The following PRKCA variants were observed in gnomAD, a reference collection of about 807,000 sequenced individuals.
PRKCA encodes protein kinase C alpha.
In PRKCA, 27 loss-of-function variants were observed where a neutral mutation model predicts 87.0. That is an observed-to-expected ratio of 0.31 (90% CI 0.23 to 0.43). The LOEUF is 0.43. Ranked by LOEUF, PRKCA falls within the 20% of genes least tolerant of loss-of-function variation. The pLI is 1.00. For synonymous variants in PRKCA, 329 were observed against 311.1 expected (o/e 1.06, Z -0.61); for missense variants, 518 against 852.3 (o/e 0.61, Z 4.88).
chr17:66,550,761 C>T (rs755927750), intron 3 of PRKCA, among the ~76,000 whole-genome samples: 3 of 152,074 alleles, frequency 2.0e-5, no homozygotes, highest in Non-Finnish European at 2.9e-5. Context: ...ATTAAATGTC[C>T]GTTCATTCAC....
chr17:66,373,192 G>C (rs1909216132), intron 2 of PRKCA, among the ~76,000 whole-genome samples: 1 of 152,184 alleles, frequency 6.6e-6, no homozygotes. Context: ...TTTTATGTAA[G>C]TGAACAAGCA....
At chr17:66,569,261 G>A (rs1344467999) in intron 3 of PRKCA, among the ~76,000 whole-genome samples, 1 of 152,092 alleles carries the variant, frequency 6.6e-6, no homozygotes, top group Non-Finnish European at 1.5e-5. Context: ...CCTGTTAAAG[G>A]GCTTGTGTCC....
intron 3 of PRKCA, among the ~76,000 whole-genome samples, chr17:66,542,276 T>C (rs550746406): frequency 6.6e-6 from 1 of 152,302 alleles, no homozygotes; most frequent in East Asian, 1.9e-4. Flanking sequence ...TGCAATTAAT[T>C]TGTATGTGCA....
At chr17:66,605,248 G>A (rs893380732) in intron 3 of PRKCA, among the ~76,000 whole-genome samples, 2 of 152,146 alleles carry the variant, frequency 1.3e-5, no homozygotes, top group Non-Finnish European at 2.9e-5. Flanking sequence ...CACAACTGAG[G>A]ACCAAGTAGT....
At chr17:66,469,929 G>A (rs73996230) in intron 2 of PRKCA, among the ~76,000 whole-genome samples, 9,693 of 152,202 alleles carry the variant, frequency 0.064, 1,023 homozygotes, top group African/African-American at 0.22. Context: ...GCACTGCGAA[G>A]GAAACAGTTG....
chr17:66,570,710 A>C (rs1170192101), intron 3 of PRKCA, among the ~76,000 whole-genome samples: 1 of 152,166 alleles, frequency 6.6e-6, no homozygotes, highest in Non-Finnish European at 1.5e-5. Context: ...TAATGTCTTG[A>C]TATAACTGTG....
intron 2 of PRKCA, among the ~76,000 whole-genome samples, chr17:66,330,439 G>A (rs1906262821): frequency 6.6e-6 from 1 of 152,088 alleles, no homozygotes; most frequent in South Asian, 2.1e-4. Flanking sequence ...GACTCAGGGA[G>A]GTACCAAACC....
At chr17:66,316,253 C>G (rs531623198) in intron 2 of PRKCA, among the ~76,000 whole-genome samples, 23 of 152,342 alleles carry the variant, frequency 1.5e-4, no homozygotes, top group Admixed American at 6.5e-4. Context: ...GGAGCTACTT[C>G]ATGCTTTGCC....
chr17:66,659,573 T>C (rs1971834052), intron 5 of PRKCA, among the ~76,000 whole-genome samples: 1 of 152,056 alleles, frequency 6.6e-6, no homozygotes, highest in Non-Finnish European at 1.5e-5. Context: ...ATAAATATAA[T>C]TTAAAAATTA....
chr17:66,551,009 A>T (rs1968310332), intron 3 of PRKCA, among the ~76,000 whole-genome samples: 1 of 152,194 alleles, frequency 6.6e-6, no homozygotes, highest in South Asian at 2.1e-4. Context: ...ATAGTAAATT[A>T]CCCCAAAACA....
At chr17:66,594,809 G>A (rs1479218693) in intron 3 of PRKCA, among the ~76,000 whole-genome samples, 1 of 152,088 alleles carries the variant, frequency 6.6e-6, no homozygotes, top group African/African-American at 2.4e-5. Context: ...AGAACTGCAG[G>A]TGCCTCACTG....
At chr17:66,629,006 G>T (rs1970933528) in intron 3 of PRKCA, among the ~76,000 whole-genome samples, 1 of 152,198 alleles carries the variant, frequency 6.6e-6, no homozygotes, top group Non-Finnish European at 1.5e-5. Context: ...TCCAGCCTGG[G>T]CAACAAGAGT....
intron 13 of PRKCA, among the ~76,000 whole-genome samples, chr17:66,768,449 C>T (rs528296123): frequency 1.3e-5 from 2 of 152,256 alleles, no homozygotes; most frequent in South Asian, 2.1e-4. Flanking sequence ...CTAGGTTTTA[C>T]ACCACTGGAA....
intron 13 of PRKCA, among the ~76,000 whole-genome samples, chr17:66,772,982 T>G (rs1431416965): frequency 1.3e-5 from 2 of 152,182 alleles, no homozygotes; most frequent in African/African-American, 4.8e-5. Context: ...AAGCACACTT[T>G]AAAAATGTTT....
At chr17:66,475,675 G>A (rs887118302) in intron 2 of PRKCA, among the ~76,000 whole-genome samples, 4 of 152,132 alleles carry the variant, frequency 2.6e-5, no homozygotes, top group African/African-American at 7.2e-5. Flanking sequence ...CATTTAATGC[G>A]GATACCTTTT....
chr17:66,380,766 G>A, intron 2 of PRKCA, among the ~76,000 whole-genome samples: 1 of 152,068 alleles, frequency 6.6e-6, no homozygotes, highest in East Asian at 1.9e-4. Context: ...GGGTAGCAGA[G>A]TGTTTTGGTG....
intron 3 of PRKCA, among the ~76,000 whole-genome samples, chr17:66,540,341 A>G (rs1967939917): frequency 6.6e-6 from 1 of 152,092 alleles, no homozygotes; most frequent in Non-Finnish European, 1.5e-5. Context: ...TCTCTAAAAG[A>G]GGGGGCGGAG....
At chr17:66,389,041 G>A (rs1910218437) in intron 2 of PRKCA, among the ~76,000 whole-genome samples, 2 of 152,144 alleles carry the variant, frequency 1.3e-5, no homozygotes, top group South Asian at 4.1e-4. Context: ...AACCCTTGAT[G>A]GGAACATCGT....
intron 3 of PRKCA, among the ~76,000 whole-genome samples, chr17:66,635,125 C>T (rs1055427476): frequency 2.0e-5 from 3 of 152,140 alleles, no homozygotes; most frequent in East Asian, 1.9e-4. Flanking sequence ...AGGCAGCAGC[C>T]GAAATGAAGA....
Sources: gnomAD v4.1 joint callset for allele counts (sites outside exome capture counted in the v4.1 genomes callset) on GRCh38, gnomAD v4.1.1 for gene constraint, MANE v1.5 for transcripts, NCBI Gene and HGNC (gene_info 2026-07-23, HGNC 2026-07-21) for gene names.